RFPL1: variants seen among roughly 807,000 people sequenced by gnomAD.
The protein encoded by RFPL1 is ret finger protein-like 1.
In RFPL1, 6 loss-of-function variants were observed where a neutral mutation model predicts 9.6. The ratio of observed to expected loss-of-function variants is 0.62; its 90% CI spans 0.34 to 1.23. The LOEUF (loss-of-function observed/expected upper bound fraction) is 1.23. Ranked by LOEUF, RFPL1 falls within the 50% of genes most tolerant of loss-of-function variation. The pLI is 0.03. For missense variants in RFPL1, 352 were observed against 398.4 expected, an observed-to-expected ratio of 0.88 and a Z score of 0.99; for synonymous variants, 145 against 149.4, an observed-to-expected ratio of 0.97 and a Z score of 0.22.
At chr22:29,388,268 C>A in the RFPL1 span, among the ~76,000 whole-genome samples, 2 of 152,216 alleles carry the variant, frequency 1.3e-5, no homozygotes, top group African/African-American at 2.4e-5. Context: ...TGAACGAACC[C>A]TCAGCCCTTC....
At chr22:29,414,524 C>G in the RFPL1 span, among the ~76,000 whole-genome samples, 1 of 152,034 alleles carries the variant, frequency 6.6e-6, no homozygotes, top group Admixed American at 6.5e-5. Flanking sequence ...GTTGAGCAGA[C>G]CAATTATTAG....
At chr22:29,398,353 G>A in the RFPL1 span, among the ~76,000 whole-genome samples, 14 of 152,264 alleles carry the variant, frequency 9.2e-5, no homozygotes, top group Admixed American at 5.2e-4. Flanking sequence ...TGATGATGGC[G>A]GTGCCATTTG....
At chr22:29,428,204 A>G in the RFPL1 span, among the ~76,000 whole-genome samples, 83 of 152,344 alleles carry the variant, frequency 5.4e-4, no homozygotes, top group Non-Finnish European at 1.0e-3. Flanking sequence ...AAAAGCATGC[A>G]GGAGTAGCTA....
At chr22:29,419,696 G>A in the RFPL1 span, among the ~76,000 whole-genome samples, 3 of 151,612 alleles carry the variant, frequency 2.0e-5, no homozygotes, top group East Asian at 3.9e-4. Flanking sequence ...CCAGCTACTC[G>A]GGAGGCTGAG....
the RFPL1 span, among the ~76,000 whole-genome samples, chr22:29,394,562 G>A: frequency 6.6e-6 from 1 of 151,860 alleles, no homozygotes; most frequent in Non-Finnish European, 1.5e-5. Flanking sequence ...GGCTGGTCTC[G>A]AACCCCTGAC....
chr22:29,437,876 C>T (rs2062816086), upstream of RFPL1: 1 of 700,732 alleles, frequency 1.4e-6, no homozygotes, highest in African/African-American at 1.9e-5. Context: ...AACCAGTCAC[C>T]CTGGATCCCC....
chr22:29,391,133 C>A, the RFPL1 span, among the ~76,000 whole-genome samples: 1 of 151,706 alleles, frequency 6.6e-6, no homozygotes, highest in Non-Finnish European at 1.5e-5. Flanking sequence ...CGGAGTGAGA[C>A]TCTGTCTCAA....
the RFPL1 span, among the ~76,000 whole-genome samples, chr22:29,421,341 T>G: frequency 6.6e-6 from 1 of 152,052 alleles, no homozygotes; most frequent in African/African-American, 2.4e-5. Context: ...TCCCAGCTAC[T>G]TGGGAGAATT....
the RFPL1 span, among the ~76,000 whole-genome samples, chr22:29,399,507 G>C: frequency 6.6e-6 from 1 of 152,322 alleles, no homozygotes; most frequent in African/African-American, 2.4e-5. Context: ...ATAGAATGCA[G>C]TCACTGGGTC....
At chr22:29,397,387 T>G in the RFPL1 span, among the ~76,000 whole-genome samples, 1 of 151,994 alleles carries the variant, frequency 6.6e-6, no homozygotes, top group Admixed American at 6.6e-5. Context: ...GAGCGTGAGG[T>G]CTCCAAAACC....
the RFPL1 span, among the ~76,000 whole-genome samples, chr22:29,393,373 A>G: frequency 6.6e-6 from 1 of 152,206 alleles, no homozygotes; most frequent in Non-Finnish European, 1.5e-5. Flanking sequence ...ATCTGGCAGG[A>G]GAGCTAAAAA....
the RFPL1 span, among the ~76,000 whole-genome samples, chr22:29,414,679 T>C: frequency 1.3e-5 from 2 of 152,180 alleles, no homozygotes; most frequent in Non-Finnish European, 2.9e-5. Context: ...GACCTTTGTA[T>C]GGTAATTAAG....
At chr22:29,441,625 A>C in exon 2 of RFPL1, 1 of 1,613,882 alleles carries the variant, frequency 6.2e-7, no homozygotes, top group Non-Finnish European at 8.5e-7. Flanking sequence ...TGGGTGCATC[A>C]CACAGAATCG....
upstream of RFPL1, among the ~76,000 whole-genome samples, chr22:29,436,357 G>A (rs948899339): frequency 5.9e-5 from 9 of 151,866 alleles, no homozygotes; most frequent in African/African-American, 9.7e-5. Context: ...TTGGGAGGCC[G>A]AGGCAGGCGG....
chr22:29,421,458 C>T, the RFPL1 span, among the ~76,000 whole-genome samples: 1 of 150,988 alleles, frequency 6.6e-6, no homozygotes, highest in African/African-American at 2.4e-5. Context: ...AAACCCACCC[C>T]TGGGACTCCA....
chr22:29,437,789 G>A (rs2062815809), upstream of RFPL1: 2 of 1,491,968 alleles, frequency 1.3e-6, no homozygotes, highest in Non-Finnish European at 1.8e-6. Flanking sequence ...TGGGGGTTAT[G>A]CCTTGGGGGA....
At chr22:29,391,073 T>C in the RFPL1 span, among the ~76,000 whole-genome samples, 2 of 150,986 alleles carry the variant, frequency 1.3e-5, no homozygotes, top group African/African-American at 2.4e-5. Context: ...ACCCGGGAGG[T>C]GGAGCTTGCA....
chr22:29,441,723 C>T (rs769340571), exon 2 of RFPL1: 108 of 1,613,696 alleles, frequency 6.7e-5, no homozygotes, highest in Admixed American at 8.3e-5. Context: ...GGGAGGTGGA[C>T]GTGGGAACAA....
At chr22:29,407,618 C>T in the RFPL1 span, among the ~76,000 whole-genome samples, 1 of 151,632 alleles carries the variant, frequency 6.6e-6, no homozygotes, top group Non-Finnish European at 1.5e-5. Context: ...ATCTATTTCT[C>T]CTGAGTTTTG....
Sources: gnomAD v4.1 joint callset for allele counts (sites outside exome capture counted in the v4.1 genomes callset) on GRCh38, gnomAD v4.1.1 for gene constraint, MANE v1.5 for transcripts, NCBI Gene and HGNC (gene_info 2026-07-23, HGNC 2026-07-21) for gene names.